The following FYB1 variants were observed in gnomAD, a reference collection of about 807,000 sequenced individuals.
FYB1 encodes FYN-binding protein 1.
Under a neutral mutation model 94.1 loss-of-function variants are expected in FYB1, and 41 were observed. That is an observed-to-expected ratio of 0.44 (90% confidence interval 0.34 to 0.57). FYB1 has a LOEUF of 0.57. Among genes scored for constraint, FYB1 ranks in the 20% least tolerant of loss-of-function variants. The pLI is 0.02. For synonymous variants in FYB1, 367 were observed against 353.2 expected, an observed-to-expected ratio of 1.04 and a Z score of -0.44; for missense variants, 1,050 against 976.8, an observed-to-expected ratio of 1.07 and a Z score of -1.00.
At chr5:39,121,043 A>C (rs903122569) in intron 14 of FYB1, among the ~76,000 whole-genome samples, 1 of 152,108 alleles carries the variant, frequency 6.6e-6, no homozygotes, top group Non-Finnish European at 1.5e-5. Context: ...CTCTGAAAAT[A>C]AGCAAAATGG....
At chr5:39,215,912 G>A (rs961836034) in intron 1 of FYB1, among the ~76,000 whole-genome samples, 5 of 152,160 alleles carry the variant, frequency 3.3e-5, no homozygotes, top group African/African-American at 7.2e-5. Context: ...GGGTTATGTA[G>A]GTAGCACTAC....
At chr5:39,204,821 C>T (rs955912386) in intron 1 of FYB1, among the ~76,000 whole-genome samples, 1 of 152,190 alleles carries the variant, frequency 6.6e-6, no homozygotes, top group African/African-American at 2.4e-5. Context: ...AAAGCTAACA[C>T]AGAGCAGCAA....
At chr5:39,162,738 G>T (rs1238795915) in intron 2 of FYB1, among the ~76,000 whole-genome samples, 1 of 151,022 alleles carries the variant, frequency 6.6e-6, no homozygotes, top group Non-Finnish European at 1.5e-5. Flanking sequence ...TTTTAAACAA[G>T]TGGGAGAATA....
intron 2 of FYB1, chr5:39,169,373 A>G: frequency 1.3e-6 from 1 of 759,640 alleles, no homozygotes; most frequent in Middle Eastern, 2.3e-4. Context: ...CAATTGAACT[A>G]GCTTTGTGAA....
chr5:39,225,344 A>G (rs1170527999), intron 1 of FYB1, among the ~76,000 whole-genome samples: 1 of 152,236 alleles, frequency 6.6e-6, no homozygotes, highest in African/African-American at 2.4e-5. Context: ...CCAAAGCCCA[A>G]TATAAACAAT....
At chr5:39,224,147 G>A (rs1039737356), upstream of FYB1, among the ~76,000 whole-genome samples, 2 of 152,156 alleles carry the variant, frequency 1.3e-5, no homozygotes, top group South Asian at 2.1e-4. Context: ...ACACGAAACC[G>A]ATGGCCATTC....
At chr5:39,204,477 A>G (rs1269925660) in intron 1 of FYB1, among the ~76,000 whole-genome samples, 4 of 152,194 alleles carry the variant, frequency 2.6e-5, no homozygotes, top group African/African-American at 7.2e-5. Flanking sequence ...TATGGGTTCA[A>G]TATATGGAAA....
intron 2 of FYB1, among the ~76,000 whole-genome samples, chr5:39,165,835 C>T (rs190667708): frequency 6.6e-6 from 1 of 152,218 alleles, no homozygotes; most frequent in Admixed American, 6.5e-5. Flanking sequence ...AGATATTTTT[C>T]AAAAGAAGAC....
chr5:39,218,158 C>T (rs1750021407), intron 1 of FYB1, among the ~76,000 whole-genome samples: 1 of 152,184 alleles, frequency 6.6e-6, no homozygotes, highest in Non-Finnish European at 1.5e-5. Context: ...AATAATTTCT[C>T]AAGGGAAATG....
chr5:39,228,313 C>A (rs752717100), intron 1 of FYB1, among the ~76,000 whole-genome samples: 2 of 152,108 alleles, frequency 1.3e-5, no homozygotes, highest in Non-Finnish European at 2.9e-5. Flanking sequence ...AATGTTTATT[C>A]TTTTCGTATT....
chr5:39,262,635 G>A (rs1752271168), intron 1 of FYB1, among the ~76,000 whole-genome samples: 1 of 152,188 alleles, frequency 6.6e-6, no homozygotes, highest in Non-Finnish European at 1.5e-5. Flanking sequence ...GCCAAAGGAT[G>A]TTCATCTACC....
intron 2 of FYB1, among the ~76,000 whole-genome samples, chr5:39,198,994 C>T (rs1748071112): frequency 6.6e-6 from 1 of 151,950 alleles, no homozygotes; most frequent in African/African-American, 2.4e-5. Flanking sequence ...GGTTATGTCA[C>T]ATCTCAACAC....
chr5:39,240,159 T>C (rs562059425), intron 1 of FYB1, among the ~76,000 whole-genome samples: 1 of 152,218 alleles, frequency 6.6e-6, no homozygotes, highest in African/African-American at 2.4e-5. Flanking sequence ...TGATACCATA[T>C]ACAAAAGTTA....
At chr5:39,239,428 A>G (rs1579761551) in intron 1 of FYB1, among the ~76,000 whole-genome samples, 5 of 152,200 alleles carry the variant, frequency 3.3e-5, no homozygotes, top group Admixed American at 3.3e-4. Context: ...GTCTCTGACC[A>G]AAAGCTCCTA....
At chr5:39,243,105 A>C (rs1751295339) in intron 1 of FYB1, among the ~76,000 whole-genome samples, 1 of 151,992 alleles carries the variant, frequency 6.6e-6, no homozygotes. Context: ...GTTCACTCTG[A>C]TGGTAGTTTC....
intron 2 of FYB1, among the ~76,000 whole-genome samples, chr5:39,185,578 A>G (rs1488317067): frequency 2.0e-5 from 3 of 147,444 alleles, no homozygotes; most frequent in Non-Finnish European, 3.0e-5. Flanking sequence ...GTATATATAT[A>G]CATATATACA....
At position 39,267,283 on chromosome 5, in the gene FYB1, C is replaced by T. The variant is rs117536470; in HGVS notation, c.-28+7120G>A. Among the ~76,000 whole-genome samples the T allele has an allele frequency of 9.2e-5, 14 of 152,236 alleles. No individual in the cohort carries two copies. The East Asian group carries it at 2.7e-3, about 29-fold the overall frequency. On this transcript the variant is annotated intron_variant, in intron 1 of 1. Coordinates refer to the FYB1 transcript ENST00000510188. The stretch of plus-strand genomic sequence containing the variant: ...ACAGGAATCCAACATCCATCCAGTG[C>T]CCGGCATGTGCCTGTATTATCACAG...
At chr5:39,144,517 A>C (rs1742470095) in intron 3 of FYB1, among the ~76,000 whole-genome samples, 1 of 152,104 alleles carries the variant, frequency 6.6e-6, no homozygotes, top group Non-Finnish European at 1.5e-5. Context: ...AAAGAGAATA[A>C]CAGGCTGGGC....
intron 2 of FYB1, among the ~76,000 whole-genome samples, chr5:39,185,117 A>G (rs969204545): frequency 1.3e-5 from 2 of 152,166 alleles, no homozygotes; most frequent in African/African-American, 4.8e-5. Flanking sequence ...TCCTATGGAT[A>G]GGGAAGAGTA....
Sources: gnomAD v4.1 joint callset for allele counts (sites outside exome capture counted in the v4.1 genomes callset) on GRCh38, gnomAD v4.1.1 for gene constraint, MANE v1.5 for transcripts, NCBI Gene and HGNC (gene_info 2026-07-23, HGNC 2026-07-21) for gene names.